STK31: variants seen among roughly 807,000 people sequenced by gnomAD.
STK31 encodes serine/threonine-protein kinase 31.
In STK31, 89 loss-of-function variants were observed where a neutral mutation model predicts 129.7. The observed-to-expected ratio is 0.69, with a 90% CI of 0.58 to 0.82. The LOEUF is 0.82. Among genes scored for constraint, STK31 ranks in the 40% least tolerant of loss-of-function variants. STK31 has a pLI of 0.00. For missense variants in STK31, 1,187 were observed against 1,176.4 expected, an observed-to-expected ratio of 1.01 and a Z score of -0.13; for synonymous variants, 448 against 395.3, an observed-to-expected ratio of 1.13 and a Z score of -1.58.
intron 8 of STK31, among the ~76,000 whole-genome samples, chr7:23,743,098 A>T (rs185741181): frequency 1.3e-5 from 2 of 151,636 alleles, no homozygotes; most frequent in East Asian, 3.9e-4. Flanking sequence ...GATTATAAGG[A>T]CCTGCCACCA....
intron 15 of STK31, among the ~76,000 whole-genome samples, chr7:23,776,325 G>C (rs4722271): frequency 0.98 from 149,829 of 152,226 alleles, 73,798 homozygotes; most frequent in East Asian, 1. Context: ...GTTTTTGTAC[G>C]AGGATGATGC....
At chr7:23,777,523 G>T (rs534282327) in intron 15 of STK31, among the ~76,000 whole-genome samples, 1 of 152,256 alleles carries the variant, frequency 6.6e-6, no homozygotes, top group Non-Finnish European at 1.5e-5. Flanking sequence ...TGTATTGGGT[G>T]CATATATATT....
chr7:23,795,463 G>T (rs1256846952), intron 22 of STK31, among the ~76,000 whole-genome samples: 2 of 152,196 alleles, frequency 1.3e-5, no homozygotes, highest in Non-Finnish European at 2.9e-5. Context: ...AAGATACTCT[G>T]CTAAGACAGT....
chr7:23,763,282 A>G (rs1789589959), intron 11 of STK31, among the ~76,000 whole-genome samples: 2 of 152,270 alleles, frequency 1.3e-5, no homozygotes, highest in South Asian at 2.1e-4. Context: ...ACTCTGATCC[A>G]TAAATTATAG....
intron 22 of STK31, among the ~76,000 whole-genome samples, chr7:23,792,122 C>A (rs1043491334): frequency 6.6e-6 from 1 of 152,118 alleles, no homozygotes; most frequent in Admixed American, 6.5e-5. Context: ...GTTTGCTGAT[C>A]TCTGTTCCAA....
intron 8 of STK31, among the ~76,000 whole-genome samples, chr7:23,747,715 G>C (rs1044683504): frequency 1.3e-5 from 2 of 152,188 alleles, no homozygotes; most frequent in Admixed American, 1.3e-4. Flanking sequence ...GTCTTTCAAA[G>C]AATTAGTTCA....
chr7:23,776,199 G>A (rs1407462848), intron 15 of STK31, among the ~76,000 whole-genome samples: 2 of 152,252 alleles, frequency 1.3e-5, no homozygotes, highest in Non-Finnish European at 2.9e-5. Flanking sequence ...TGGTGGATAA[G>A]CTTTTTGATG....
intron 4 of STK31, among the ~76,000 whole-genome samples, chr7:23,725,516 C>T (rs1017044238): frequency 6.6e-6 from 1 of 152,104 alleles, no homozygotes; most frequent in South Asian, 2.1e-4. Flanking sequence ...GCACTCCAGC[C>T]TGGACAACAG....
chr7:23,774,002 G>A (rs113089071), intron 15 of STK31, among the ~76,000 whole-genome samples: 471 of 150,570 alleles, frequency 3.1e-3, no homozygotes, highest in African/African-American at 0.011. Context: ...CCATTGTTCA[G>A]TTCCCACCTA....
chr7:23,824,707 A>C (rs1290430839), intron 23 of STK31, among the ~76,000 whole-genome samples: 51 of 152,178 alleles, frequency 3.4e-4, no homozygotes, highest in Admixed American at 1.5e-3. Flanking sequence ...CAGTTTTTGT[A>C]CATTCAGTAT....
intron 22 of STK31, among the ~76,000 whole-genome samples, chr7:23,803,498 G>C (rs1340020152): frequency 4.6e-5 from 7 of 152,184 alleles, no homozygotes; most frequent in Non-Finnish European, 1.0e-4. Flanking sequence ...TAAATGAAGT[G>C]TTCTGAAGAC....
rs1377488480 is a variant in STK31, at chr7:23,817,186, T to TC, written c.2829+1975dup. ...CTGGGCGACAGAACAAGACTTTGTC[T>TC]CAAAAAAAAAAAAATAATAATAATA... On this transcript the variant is annotated intron_variant, in intron 23 of 23. Coordinates refer to ENST00000355870, the MANE Select transcript of STK31 (RefSeq NM_031414.5). 1.2e-4 allele frequency among the ~76,000 whole-genome samples: 18 copies of TC among 151,110 alleles called. No individual in the cohort carries two copies. In the East Asian group the frequency reaches 1.7e-3, roughly 15 times the overall value.
In STK31 at chr7:23,769,139, C is replaced by T. The variant is rs1790017151; in HGVS notation, c.1561C>T (p.His521Tyr). The T allele has an allele frequency of 6.2e-7, 1 of 1,610,818 alleles. No homozygotes were observed. Among genetic ancestry groups the T allele is most frequent in the South Asian group, 1.1e-5 (1 of 90,172 alleles). Residue 521 changes from histidine to tyrosine, a missense_variant, in exon 12 of 24, where the codon CAC becomes TAC. Physicochemically the swap from His to Tyr is moderately conservative, Grantham distance 83 (BLOSUM62 2). This residue lies in a region of STK31 where 975 missense variants were observed against 934.9 expected (regional missense o/e 1.04). Coordinates refer to ENST00000355870, the MANE Select transcript of STK31 (RefSeq NM_031414.5). ...TAGAAGTGAAACAGACGCTTCTCTG[C>T]ACCGTCTTGTAGCATGGTTCCAAAG... is the stretch of plus-strand genomic sequence containing the variant. ...SVRSETDASL[H>Y]RLVAWFQRTL...
chr7:23,713,116 G>A (rs1440931860), intron 3 of STK31, among the ~76,000 whole-genome samples: 1 of 152,074 alleles, frequency 6.6e-6, no homozygotes, highest in Non-Finnish European at 1.5e-5. Context: ...CAACTGCGTC[G>A]CTGTATGAAC....
At chr7:23,829,177 A>T (rs540453193) in intron 23 of STK31, among the ~76,000 whole-genome samples, 5 of 151,390 alleles carry the variant, frequency 3.3e-5, no homozygotes, top group Non-Finnish European at 7.4e-5. Flanking sequence ...TCCCAAAGTG[A>T]TGGGATTACA....
intron 8 of STK31, among the ~76,000 whole-genome samples, chr7:23,740,561 C>T (rs2216498): frequency 0.9 from 136,095 of 152,020 alleles, 61,249 homozygotes; most frequent in East Asian, 1. Flanking sequence ...TTGTTACATA[C>T]GTATACATGT....
At chr7:23,729,802 G>GC (rs1787296101) in intron 6 of STK31, among the ~76,000 whole-genome samples, 1 of 152,014 alleles carries the variant, frequency 6.6e-6, no homozygotes, top group African/African-American at 2.4e-5. Flanking sequence ...GAGCCACTGC[G>GC]CCCAGCCAAG....
At chr7:23,794,238 A>G (rs1249849168) in intron 22 of STK31, among the ~76,000 whole-genome samples, 1 of 152,180 alleles carries the variant, frequency 6.6e-6, no homozygotes, top group African/African-American at 2.4e-5. Flanking sequence ...AGTTTCCCCC[A>G]TGCAGTTCTT....
At chr7:23,732,031 C>T (rs1787462746) in intron 6 of STK31, among the ~76,000 whole-genome samples, 2 of 152,022 alleles carry the variant, frequency 1.3e-5, no homozygotes, top group Admixed American at 6.6e-5. Flanking sequence ...AAGTTTTGTC[C>T]AGTGCGGTGG....
Sources: allele counts gnomAD v4.1 joint callset (sites outside exome capture counted in the v4.1 genomes callset), GRCh38; gene constraint gnomAD v4.1.1; regional missense constraint gnomAD v4.1.1; transcripts MANE v1.5; gene names NCBI Gene and HGNC (gene_info 2026-07-23, HGNC 2026-07-21).